ASB3: variants seen among roughly 807,000 people sequenced by gnomAD.
ASB3 encodes the protein ankyrin repeat and SOCS box protein 3.
ASB3 carries 41 observed loss-of-function variants against 54.5 expected under a neutral mutation model. The observed-to-expected ratio is 0.75, with a 90% CI of 0.59 to 0.98. The LOEUF is 0.98. Among genes scored for constraint, ASB3 ranks in the 50% least tolerant of loss-of-function variants. The pLI is 0.00. For missense variants in ASB3, 733 were observed against 620.0 expected (o/e 1.18, Z -1.94); for synonymous variants, 266 against 221.2 (o/e 1.20, Z -1.80).
At chr2:53,712,776 G>T (rs576157736) in intron 7 of ASB3, among the ~76,000 whole-genome samples, 2 of 151,998 alleles carry the variant, frequency 1.3e-5, no homozygotes, top group Non-Finnish European at 2.9e-5. Context: ...ACAGGCGCGC[G>T]CGCGCGCGCA....
chr2:53,772,542 A>G (rs1573015526), intron 1 of ASB3, among the ~76,000 whole-genome samples: 1 of 152,016 alleles, frequency 6.6e-6, no homozygotes, highest in African/African-American at 2.4e-5. Context: ...TAACGGAAAT[A>G]CCTGCCCCCG....
At position 53,700,451 on chromosome 2, in the gene ASB3, A is replaced by G; in HGVS notation, c.1058T>C (p.Leu353Pro). The G allele has an allele frequency of 6.2e-7, 1 of 1,614,162 alleles. No homozygotes were observed. Among genetic ancestry groups the G allele is most frequent in the Non-Finnish European group, 8.5e-7 (1 of 1,180,006 alleles). ...QINELHLAYC[L>P]KYEKFSIFRY... ...AAATATCGAAAACTTCTCGTACTTC[A>G]GGCAGTATGCCAAATGAAGTTCATT... Residue 353 changes from leucine (L) to proline (P), a missense_variant, in exon 8 of 10, where the codon CTG (leucine) becomes CCG (proline). Coordinates refer to ENST00000263634, the MANE Select transcript of ASB3 (RefSeq NM_016115.5).
intron 2 of ASB3, among the ~76,000 whole-genome samples, chr2:53,758,599 T>C (rs1672967740): frequency 6.6e-6 from 1 of 152,156 alleles, no homozygotes; most frequent in Non-Finnish European, 1.5e-5. Flanking sequence ...AAAGGACCAC[T>C]AGAATCCAGC....
chr2:53,766,036 G>GC (rs1673431460), intron 1 of ASB3, among the ~76,000 whole-genome samples: 1 of 152,040 alleles, frequency 6.6e-6, no homozygotes, highest in Non-Finnish European at 1.5e-5. Context: ...TCAATATACA[G>GC]CCCTCTATAG....
At chr2:53,683,195 A>G (rs1399404714) in intron 9 of ASB3, among the ~76,000 whole-genome samples, 4 of 152,084 alleles carry the variant, frequency 2.6e-5, no homozygotes, top group African/African-American at 9.7e-5. Flanking sequence ...ATTTTATCCG[A>G]TATTTTTTCA....
At chr2:53,758,705 A>T (rs75096128) in intron 2 of ASB3, among the ~76,000 whole-genome samples, 7,364 of 152,262 alleles carry the variant, frequency 0.048, 382 homozygotes, top group East Asian at 0.28. Context: ...GCAGAGGTCC[A>T]TGGGTAGTTG....
chr2:53,765,263 T>C lies in ASB3; in HGVS notation c.196+114A>G, dbSNP rs535442904. 1,136 of 1,406,882 alleles carry C rather than the reference T, an allele frequency of 8.1e-4. 2 individuals carry two copies. Among genetic ancestry groups the C allele is most frequent in the South Asian group, 1.2e-3 (85 of 71,662 alleles). The allele number at this position is 1,406,882 out of a possible 1,614,324, so 87.1% of individuals were successfully genotyped here. A position where few individuals can be genotyped will look rare whatever the true frequency, so the allele number is the denominator to read the frequency against. On this transcript the variant is annotated intron_variant, in intron 2 of 9. Coordinates refer to ENST00000263634, the MANE Select transcript of ASB3 (RefSeq NM_016115.5). Reference sequence around the variant, plus strand: ...AATAAATAAATTCAGGCAGTTATTTTATGACTATAGAAAGGGAAACAAATA... The same window carrying C: ...AATAAATAAATTCAGGCAGTTATTTCATGACTATAGAAAGGGAAACAAATA...
At chr2:53,761,388 A>T (rs147568187) in intron 2 of ASB3, among the ~76,000 whole-genome samples, 8 of 152,086 alleles carry the variant, frequency 5.3e-5, no homozygotes, top group African/African-American at 1.9e-4. Context: ...CTCCCGTTGT[A>T]TGGGGGCTCT....
intron 9 of ASB3, among the ~76,000 whole-genome samples, chr2:53,683,415 GT>G (rs374579714): frequency 2.1e-5 from 3 of 144,398 alleles, no homozygotes. Flanking sequence ...GGCCTGTAGT[GT>G]TTTTTTTTTG....
chr2:53,748,801 C>A (rs567465199), intron 3 of ASB3, among the ~76,000 whole-genome samples: 52 of 152,206 alleles, frequency 3.4e-4, no homozygotes, highest in African/African-American at 1.1e-3. Context: ...GGATTCATCA[C>A]GGACCAAAAT....
rs1243106111 is a variant in ASB3 at position 53,693,924 on chromosome 2, A to G, written c.1329T>C (p.Ser443=). Residue 443 remains serine, a synonymous_variant, in exon 9 of 10, where the codon TCT becomes TCC. Coordinates refer to ENST00000263634, the MANE Select transcript of ASB3 (RefSeq NM_016115.5). ...TLAPAVERML[S]ARASNAWILQ... is the part of the protein sequence containing the mutation. ...GAATCCAAGCGTTTGAGGCACGAGC[A>G]GAGAGCATCCTTTCAACAGCTGGTG... is the stretch of plus-strand genomic sequence containing the variant. The G allele has an allele frequency of 1.9e-6, 3 of 1,613,702 alleles. No homozygotes were observed. The highest frequency in any genetic ancestry group is 2.5e-6 in the Non-Finnish European group (3 of 1,179,658).
intron 5 of ASB3, among the ~76,000 whole-genome samples, chr2:53,725,169 G>A (rs1454207320): frequency 6.6e-6 from 1 of 152,180 alleles, no homozygotes; most frequent in Non-Finnish European, 1.5e-5. Context: ...ATTATTCTAA[G>A]TGAATTAACA....
chr2:53,688,764 T>C (rs1368252143), intron 9 of ASB3, among the ~76,000 whole-genome samples: 1 of 151,600 alleles, frequency 6.6e-6, no homozygotes, highest in East Asian at 1.9e-4. Flanking sequence ...GAGGGGAACA[T>C]CACACACTGG....
intron 5 of ASB3, among the ~76,000 whole-genome samples, chr2:53,723,247 T>A (rs1670806938): frequency 6.6e-6 from 1 of 152,212 alleles, no homozygotes; most frequent in Non-Finnish European, 1.5e-5. Context: ...AATATCATTT[T>A]AAAAAATACC....
intron 7 of ASB3, among the ~76,000 whole-genome samples, chr2:53,712,656 C>A (rs570009381): frequency 2.0e-5 from 3 of 152,036 alleles, no homozygotes; most frequent in Admixed American, 6.6e-5. Flanking sequence ...GGTGATGAGG[C>A]GTGAGCTTAG....
rs543849643 is a variant in ASB3 at position 53,757,266 on chromosome 2, CT to C, written c.197-6326del. 1.8e-3 allele frequency among the ~76,000 whole-genome samples: 274 copies of C among 152,322 alleles called. 1 individual carries two copies. The highest frequency in any genetic ancestry group is 6.1e-3 in the African/African-American group (255 of 41,578). On this transcript the variant is annotated intron_variant, in intron 2 of 9. Coordinates refer to ENST00000263634, the MANE Select transcript of ASB3 (RefSeq NM_016115.5). ...ACTTAAGACTCAGGTGTGAGGCTAT[CT>C]GGGAAAGGGCTTTCTAACAACGTCC... is the stretch of plus-strand genomic sequence containing the variant.
chr2:53,734,125 G>A (rs893775469), intron 3 of ASB3, among the ~76,000 whole-genome samples: 6 of 152,176 alleles, frequency 3.9e-5, no homozygotes, highest in Admixed American at 6.5e-5. Flanking sequence ...CAGCGTGGGC[G>A]TTATGGCCAT....
At chr2:53,763,792 T>C (rs545514424) in intron 2 of ASB3, among the ~76,000 whole-genome samples, 1 of 152,234 alleles carries the variant, frequency 6.6e-6, no homozygotes, top group Non-Finnish European at 1.5e-5. Context: ...TCTTTGTTAC[T>C]AAAAATAGTT....
At chr2:53,691,920 G>A (rs1439004867) in intron 9 of ASB3, among the ~76,000 whole-genome samples, 1 of 152,192 alleles carries the variant, frequency 6.6e-6, no homozygotes, top group Non-Finnish European at 1.5e-5. Context: ...TTGTAACAAG[G>A]AGAGGGATAA....
Sources: allele counts gnomAD v4.1 joint callset (sites outside exome capture counted in the v4.1 genomes callset), GRCh38; gene constraint gnomAD v4.1.1; transcripts MANE v1.5; gene names NCBI Gene and HGNC (gene_info 2026-07-23, HGNC 2026-07-21).